Variants in NUP155 observed in about 807,000 individuals in gnomAD.
The protein encoded by NUP155 is nucleoporin 155, also known as nuclear pore complex protein Nup155.
In NUP155, 71 loss-of-function variants were observed where a neutral mutation model predicts 180.4. That is an observed-to-expected ratio of 0.39 (90% CI 0.33 to 0.48). The LOEUF is 0.48. Among genes scored for constraint, NUP155 ranks in the 20% least tolerant of loss-of-function variants. The pLI is 0.91. For missense variants in NUP155, 1,553 were observed against 1,648.9 expected (o/e 0.94, Z 1.01); for synonymous variants, 582 against 559.5 (o/e 1.04, Z -0.57).
intron 18 of NUP155, 90 bp from the exon 19 acceptor site, chr5:37,326,057 T>A: frequency 1.1e-6 from 1 of 935,978 alleles, no homozygotes; most frequent in Non-Finnish European, 1.7e-6. Context: ...ATGGCTTTAT[T>A]CAGTTTTTAA....
chr5:37,355,439 C>T (rs1251084086), intron 4 of NUP155, among the ~76,000 whole-genome samples: 1 of 150,906 alleles, frequency 6.6e-6, no homozygotes, highest in Non-Finnish European at 1.5e-5. Flanking sequence ...ACCCAGGAGG[C>T]GGAGGTTGTA....
At position 37,318,419 on chromosome 5, in the gene NUP155, A is replaced by G. The variant is rs188080473; in HGVS notation, c.2208-334T>C. On this transcript the variant is annotated intron_variant, in intron 20 of 34. Coordinates refer to ENST00000231498, the MANE Select transcript of NUP155 (RefSeq NM_153485.3). ...GAAGAGAAGAAACAAGCTAGATACA[A>G]AAGAGTTAATATGATTCTCCAAAGA... Among the ~76,000 whole-genome samples, 10 of 152,252 alleles carry G rather than the reference A, an allele frequency of 6.6e-5. No individual in the cohort carries two copies. The East Asian group carries it at 1.9e-3, about 29-fold the overall frequency.
At chr5:37,300,794 T>C (rs1742819003) in intron 30 of NUP155, among the ~76,000 whole-genome samples, 1 of 150,172 alleles carries the variant, frequency 6.7e-6, no homozygotes, top group African/African-American at 2.4e-5. Flanking sequence ...GTAGATGAAC[T>C]ACAACCACAC....
At position 37,371,025 on chromosome 5, in the gene NUP155, A is replaced by T. The variant is rs375874689; in HGVS notation, c.-48T>A. ...GTCCAGAAAAAGTCAAAAACCAAGG[A>T]GAAACAAGAAAAGATCCAAGAAGTT... On this transcript the variant is annotated 5_prime_UTR_variant, in exon 1 of 35. Coordinates refer to ENST00000231498, the MANE Select transcript of NUP155 (RefSeq NM_153485.3). The T allele has an allele frequency of 2.4e-5, 39 of 1,595,188 alleles. No individual in the cohort carries two copies. The highest frequency in any genetic ancestry group is 3.3e-5 in the Non-Finnish European group (38 of 1,166,228).
intron 21 of NUP155, among the ~76,000 whole-genome samples, chr5:37,315,898 C>A (rs1022644352): frequency 6.6e-6 from 1 of 152,174 alleles, no homozygotes; most frequent in African/African-American, 2.4e-5. Context: ...TGAGATCGCA[C>A]CATTGCACTC....
chr5:37,356,554 G>A (rs1043518222), intron 4 of NUP155, among the ~76,000 whole-genome samples: 2 of 151,982 alleles, frequency 1.3e-5, no homozygotes, highest in South Asian at 2.1e-4. Context: ...CAGGAGAATC[G>A]CTTGAACTCA....
In NUP155 at chr5:37,310,688, T is replaced by G; in HGVS notation, c.2492A>C (p.Lys831Thr). The G allele has an allele frequency of 6.2e-7, 1 of 1,613,918 alleles. No homozygotes were observed. The highest frequency in any genetic ancestry group is 8.5e-7 in the Non-Finnish European group (1 of 1,179,904). ...TTFKDLVIRD[K>T]ELTGALIASL... ...AGCAATTAATGCCCCTGTGAGTTCT[T>G]TGTCCCTGATTACAAGATCTTTAAA... The change falls in exon 23 of 35, where the codon AAA becomes ACA. Residue 831 changes from lysine (K) to threonine (T), a missense_variant. Coordinates refer to ENST00000231498, the MANE Select transcript of NUP155 (RefSeq NM_153485.3).
chr5:37,364,028 C>G (rs1023841410), intron 2 of NUP155, 44 bp from the exon 3 acceptor site: 3 of 1,410,248 alleles, frequency 2.1e-6, no homozygotes, highest in African/African-American at 2.8e-5. Context: ...GAATCTTATT[C>G]TTCTTTAACT....
At chr5:37,317,746 G>A (rs1027096050) in intron 21 of NUP155, among the ~76,000 whole-genome samples, 1 of 143,616 alleles carries the variant, frequency 7.0e-6, no homozygotes, top group Non-Finnish European at 1.5e-5. Flanking sequence ...GGAGTGCAGT[G>A]GCATGATCTC....
At chr5:37,358,363 T>C (rs1015754915) in intron 3 of NUP155, among the ~76,000 whole-genome samples, 1 of 151,624 alleles carries the variant, frequency 6.6e-6, no homozygotes, top group Non-Finnish European at 1.5e-5. Context: ...GGCCACTGAG[T>C]TGGCAGGATC....
In NUP155 at chr5:37,317,971, G is replaced by T; in HGVS notation, c.2305+17C>A. On this transcript the variant is annotated intron_variant, in intron 21 of 34. Coordinates refer to ENST00000231498, the MANE Select transcript of NUP155 (RefSeq NM_153485.3). ...CTGAGGTCATGTACGCTTAACTGATGAGAAGCAATAATTTACCATGAAACT... is the reference window on the plus strand; with the variant it reads ...CTGAGGTCATGTACGCTTAACTGATTAGAAGCAATAATTTACCATGAAACT... 7.0e-7 allele frequency: 1 copy of T among 1,438,072 alleles called. No individual in the cohort carries two copies. Among genetic ancestry groups the T allele is most frequent in the Non-Finnish European group, 9.8e-7 (1 of 1,019,264 alleles). The allele number at this position is 1,438,072 out of a possible 1,614,324, so 89.1% of individuals were successfully genotyped here.
At chr5:37,309,549 C>G in intron 23 of NUP155, 1 of 324,370 alleles carries the variant, frequency 3.1e-6, no homozygotes, top group Admixed American at 4.4e-5. Context: ...GTCCATGTGA[C>G]ACTGATTTAT....
intron 3 of NUP155, among the ~76,000 whole-genome samples, chr5:37,359,787 C>A (rs950345431): frequency 6.6e-6 from 1 of 152,016 alleles, no homozygotes; most frequent in African/African-American, 2.4e-5. Context: ...AACTATCAGA[C>A]AAGAAATGTA....
Position 37,327,621 on chromosome 5 carries a change from A to T in NUP155, c.2024+8T>A. The T allele has an allele frequency of 6.2e-7, 1 of 1,614,022 alleles. No homozygotes were observed. Among genetic ancestry groups the T allele is most frequent in the Non-Finnish European group, 8.5e-7 (1 of 1,179,868 alleles). ...GAGCAATAATTCATTATTTCATGACAAACTTACCCCATGATCCGAGAAAAG... is the reference window on the plus strand; with the variant it reads ...GAGCAATAATTCATTATTTCATGACTAACTTACCCCATGATCCGAGAAAAG... On this transcript the variant is annotated splice_region_variant and intron_variant, in intron 18 of 34. Coordinates refer to ENST00000231498, the MANE Select transcript of NUP155 (RefSeq NM_153485.3).
At chr5:37,314,460 TCAG>T (rs1415313305) in intron 21 of NUP155, 132 bp from the exon 22 acceptor site, 2 of 674,462 alleles carry the variant, frequency 3.0e-6, no homozygotes, top group African/African-American at 3.6e-5. Context: ...ACCATGATAA[TCAG>T]TAGTATTTAT....
rs1447477212 is a variant in NUP155 at position 37,295,938 on chromosome 5, G to A, written c.3794-1473C>T. ...CGGGAGGTGAGGGGCGCCTCTGCCC[G>A]GCCGCCCCTACTGGGAAGTGAGGAG... On this transcript the variant is annotated intron_variant, in intron 32 of 34. Transcript: ENST00000231498. Among the ~76,000 whole-genome samples, 8 of 145,780 alleles carry A rather than the reference G, an allele frequency of 5.5e-5. No homozygotes were observed. The East Asian group carries it at 6.2e-4, about 11-fold the overall frequency.
chr5:37,361,285 A>AAAAG (rs397997410), intron 3 of NUP155, among the ~76,000 whole-genome samples: 8,954 of 140,460 alleles, frequency 0.064, 1,443 homozygotes, highest in African/African-American at 0.26. Flanking sequence ...AAAAAAAAAA[A>AAAAG]GACAATGGCT....
chr5:37,305,415 C>T (rs1274062960), intron 25 of NUP155, among the ~76,000 whole-genome samples: 1 of 152,070 alleles, frequency 6.6e-6, no homozygotes, highest in African/African-American at 2.4e-5. Context: ...GGCACAGTGC[C>T]TCACACCTGT....
intron 9 of NUP155, among the ~76,000 whole-genome samples, chr5:37,347,053 C>T (rs1442661638): frequency 6.6e-6 from 1 of 151,866 alleles, no homozygotes; most frequent in African/African-American, 2.4e-5. Flanking sequence ...CACGGTGAAG[C>T]CCTGTCTCTA....
Sources: gnomAD v4.1 joint callset for allele counts (sites outside exome capture counted in the v4.1 genomes callset) on GRCh38, gnomAD v4.1.1 for gene constraint, MANE v1.5 for transcripts, NCBI Gene and HGNC (gene_info 2026-07-23, HGNC 2026-07-21) for gene names.